Variants in SYT9 observed in about 807,000 individuals in gnomAD.
SYT9 encodes the protein synaptotagmin 9.
In SYT9, 22 loss-of-function variants were observed where a neutral mutation model predicts 48.4. That is an observed-to-expected ratio of 0.45 (90% CI 0.32 to 0.65). The LOEUF is 0.65. Among genes scored for constraint, SYT9 ranks in the 30% least tolerant of loss-of-function variants. The pLI, the probability that SYT9 is intolerant of heterozygous loss-of-function variation, is 0.03. For synonymous variants in SYT9, 265 were observed against 245.0 expected (o/e 1.08, Z -0.76); for missense variants, 577 against 622.0 (o/e 0.93, Z 0.77).
chr11:7,251,130 A>ACACACACACCCACC (rs909728944), upstream of SYT9, among the ~76,000 whole-genome samples: 3 of 127,230 alleles, frequency 2.4e-5, no homozygotes, highest in African/African-American at 7.8e-5. Flanking sequence ...ACACACACAC[A>ACACACACACCCACC]CACCCAGAGT....
At chr11:7,312,479 T>C (rs1849155946) in intron 2 of SYT9, among the ~76,000 whole-genome samples, 1 of 152,146 alleles carries the variant, frequency 6.6e-6, no homozygotes, top group South Asian at 2.1e-4. Flanking sequence ...AAAAGTAACC[T>C]TAAAAACAAC....
At chr11:7,408,719 T>G (rs1847073719) in intron 3 of SYT9, among the ~76,000 whole-genome samples, 1 of 152,130 alleles carries the variant, frequency 6.6e-6, no homozygotes, top group Non-Finnish European at 1.5e-5. Flanking sequence ...AATCTAAGAG[T>G]TTTTTGGTGG....
At chr11:7,259,737 C>T (rs1197421023) in intron 1 of SYT9, among the ~76,000 whole-genome samples, 1 of 151,934 alleles carries the variant, frequency 6.6e-6, no homozygotes, top group Non-Finnish European at 1.5e-5. Flanking sequence ...TTTTGAGAAT[C>T]TTAATGTTTT....
In SYT9 at chr11:7,467,790, C is replaced by T. The variant is rs1848359815; in HGVS notation, c.*990C>T. On this transcript the variant is annotated 3_prime_UTR_variant, in exon 7 of 7. Coordinates refer to ENST00000318881, the MANE Select transcript of SYT9 (RefSeq NM_175733.4). ...CTGGGGTATTTCCATATGCAACAGC[C>T]CAGAGTCATAGCCTTGGGCAACCAC... 6.5e-6 allele frequency: 1 copy of T among 152,808 alleles called. No individual in the cohort carries two copies. The highest frequency in any genetic ancestry group is 2.4e-5 in the African/African-American group (1 of 41,442). 9.5% of individuals were successfully genotyped at this position (152,808 alleles called of 1,614,324 possible).
intron 6 of SYT9, among the ~76,000 whole-genome samples, chr11:7,437,215 C>G (rs981693096): frequency 5.9e-5 from 9 of 152,154 alleles, no homozygotes; most frequent in African/African-American, 2.2e-4. Flanking sequence ...CAGTGCTTCA[C>G]AAAGACTTTA....
At chr11:7,466,018 C>T (rs1234097334) in intron 6 of SYT9, among the ~76,000 whole-genome samples, 1 of 152,112 alleles carries the variant, frequency 6.6e-6, no homozygotes, top group African/African-American at 2.4e-5. Context: ...GGTGGGGGCA[C>T]AACTAAATCA....
chr11:7,311,489 G>A (rs1849133245), intron 2 of SYT9, among the ~76,000 whole-genome samples: 1 of 152,184 alleles, frequency 6.6e-6, no homozygotes, highest in Admixed American at 6.5e-5. Context: ...AGGGCCTAGG[G>A]CTGACATGAG....
In SYT9 at chr11:7,272,546, G is replaced by A. The variant is rs541215640; in HGVS notation, c.145+20215G>A. ...TGCAATCTAGCTATTCACTCATCAC[G>A]TTTAACAGGAACTTACCATGGACTG... is the stretch of plus-strand genomic sequence containing the variant. On this transcript the variant is annotated intron_variant, in intron 1 of 6. Transcript: ENST00000318881. Among the ~76,000 whole-genome samples, 37 of 151,902 alleles carry A rather than the reference G, an allele frequency of 2.4e-4. 1 individual carries two copies. The highest frequency in any genetic ancestry group is 4.6e-4 in the Admixed American group (7 of 15,266).
chr11:7,346,344 AG>A (rs1849800305), intron 3 of SYT9, among the ~76,000 whole-genome samples: 1 of 152,224 alleles, frequency 6.6e-6, no homozygotes, highest in South Asian at 2.1e-4. Flanking sequence ...TGAGCAGCAG[AG>A]GGGGTTCCTG....
rs1306018034 is a variant in SYT9, at chr11:7,468,274, A to G, written c.*1474A>G. 2.5e-6 allele frequency: 1 copy of G among 398,548 alleles called. No individual in the cohort carries two copies. The highest frequency in any genetic ancestry group is 4.4e-6 in the Non-Finnish European group (1 of 226,082). The allele number at this position is 398,548 out of a possible 1,614,324, so 24.7% of individuals were successfully genotyped here. ...AGGAAGGATCGTTATACGTCTTCAG[A>G]AAGTTCTCATTGCCCCAGCTGCCTA... On this transcript the variant is annotated 3_prime_UTR_variant, in exon 7 of 7. Transcript: ENST00000318881.
At chr11:7,271,650 C>G (rs571428025) in intron 1 of SYT9, among the ~76,000 whole-genome samples, 2 of 152,286 alleles carry the variant, frequency 1.3e-5, no homozygotes, top group South Asian at 4.1e-4. Context: ...TATCTCCGCT[C>G]ACTGCAAGCT....
chr11:7,376,369 C>CTTCCTTCCT (rs772185240), intron 3 of SYT9, among the ~76,000 whole-genome samples: 1 of 147,832 alleles, frequency 6.8e-6, no homozygotes. Context: ...TCCTTCCTTC[C>CTTCCTTCCT]TCCTCCCCTC....
At chr11:7,348,688 C>CCT (rs1849848149) in intron 3 of SYT9, among the ~76,000 whole-genome samples, 1 of 47,098 alleles carries the variant, frequency 2.1e-5, no homozygotes, top group Non-Finnish European at 3.9e-5. Flanking sequence ...ATCAGACCTC[C>CCT]TTTTTTTTTT....
intron 6 of SYT9, among the ~76,000 whole-genome samples, chr11:7,455,393 G>GC (rs1179910800): frequency 1.3e-5 from 2 of 150,174 alleles, no homozygotes; most frequent in Non-Finnish European, 1.5e-5. Flanking sequence ...GACTGCAGTG[G>GC]CGCCATCTCG....
In SYT9 at chr11:7,372,845, G is replaced by T. The variant is rs1212672143; in HGVS notation, c.1045-43197G>T. Among the ~76,000 whole-genome samples, 3 of 152,130 alleles carry T rather than the reference G, an allele frequency of 2.0e-5. No individual in the cohort carries two copies. The East Asian group carries it at 5.8e-4, about 29-fold the overall frequency. The stretch of plus-strand genomic sequence containing the variant: ...TTTTATTATTTTATGGCATAAGCTG[G>T]AACCTCCCAAACTGTTGAGTAATTG... On this transcript the variant is annotated intron_variant, in intron 3 of 6. Coordinates refer to ENST00000318881, the MANE Select transcript of SYT9 (RefSeq NM_175733.4).
At chr11:7,406,554 A>ATATC (rs1847017729) in intron 3 of SYT9, among the ~76,000 whole-genome samples, 1 of 148,692 alleles carries the variant, frequency 6.7e-6, no homozygotes, top group Non-Finnish European at 1.5e-5. Context: ...ATATATATAT[A>ATATC]TATATATATA....
At position 7,343,991 on chromosome 11, in the gene SYT9, T is replaced by A. The variant is rs138159163; in HGVS notation, c.1044+30050T>A. Among the ~76,000 whole-genome samples, 1,121 of 152,290 alleles carry A rather than the reference T, an allele frequency of 7.4e-3. 10 individuals carry two copies. Among genetic ancestry groups the A allele is most frequent in the African/African-American group, 0.026 (1,078 of 41,568 alleles). On this transcript the variant is annotated intron_variant, in intron 3 of 6. Transcript: ENST00000318881. ...AACAGTATGCTGGAAACTGCCCTCA[T>A]GATTCAATTATCTCCCACCAGGTCC...
At position 7,421,754 on chromosome 11, in the gene SYT9, C is replaced by T. The variant is rs1847358647; in HGVS notation, c.1467+1119C>T. Among the ~76,000 whole-genome samples the T allele has an allele frequency of 2.0e-5, 3 of 152,282 alleles. No homozygotes were observed. In the South Asian group the frequency reaches 6.2e-4, roughly 32 times the overall value. On this transcript the variant is annotated intron_variant, in intron 6 of 6. Transcript: ENST00000318881. ...AATGCTATAATAGCTACAGAAAATA[C>T]AGATATGAATAAGAAACAGTCCTTT...
intron 6 of SYT9, among the ~76,000 whole-genome samples, chr11:7,454,452 T>A (rs898580731): frequency 6.6e-6 from 1 of 152,186 alleles, no homozygotes; most frequent in African/African-American, 2.4e-5. Context: ...ACACAGTCCC[T>A]TTCCCCATTC....
Sources: gnomAD v4.1 joint callset for allele counts (sites outside exome capture counted in the v4.1 genomes callset) on GRCh38, gnomAD v4.1.1 for gene constraint, MANE v1.5 for transcripts, NCBI Gene and HGNC (gene_info 2026-07-23, HGNC 2026-07-21) for gene names.